SCAF4: variants seen among roughly 807,000 people sequenced by gnomAD.
SCAF4 encodes the protein SR-related and CTD-associated factor 4.
SCAF4 carries 25 observed loss-of-function variants against 129.8 expected under a neutral mutation model. The observed-to-expected ratio is 0.19, with a 90% CI of 0.14 to 0.27. The LOEUF is 0.27. Among genes scored for constraint, SCAF4 ranks in the 10% least tolerant of loss-of-function variants. The pLI, the probability that SCAF4 is intolerant of heterozygous loss-of-function variation, is 1.00. For synonymous variants in SCAF4, 551 were observed against 497.7 expected, an observed-to-expected ratio of 1.11 and a Z score of -1.43; for missense variants, 1,246 against 1,457.1, an observed-to-expected ratio of 0.86 and a Z score of 2.36.
chr21:31,694,050 C>T (rs1349258430), intron 11 of SCAF4, among the ~76,000 whole-genome samples, 154 bp downstream of exon 11: 1 of 151,730 alleles, frequency 6.6e-6, no homozygotes, highest in South Asian at 2.1e-4. Flanking sequence ...TACATCAATA[C>T]TTCACCTGCC....
chr21:31,721,725 CTTT>C (rs1030749806), intron 1 of SCAF4, among the ~76,000 whole-genome samples: 1 of 125,436 alleles, frequency 8.0e-6, no homozygotes. Context: ...AAGAGCAATT[CTTT>C]TTTTTTTTTT....
chr21:31,730,238 T>C lies in SCAF4; in HGVS notation c.30+1425A>G, dbSNP rs961671528. ...TTCTACCTTCAGAAAACAATCAGCT[T>C]CCAACCCTGAAATGTTTGGAGCATT... On this transcript the variant is annotated intron_variant, in intron 1 of 19. Transcript: ENST00000286835. 3.9e-5 allele frequency among the ~76,000 whole-genome samples: 6 copies of C among 152,338 alleles called. No individual in the cohort carries two copies. The South Asian group carries it at 6.2e-4, about 16-fold the overall frequency.
In SCAF4 at chr21:31,731,644, T is replaced by C. The variant is rs1238725265; in HGVS notation, c.30+19A>G. The stretch of plus-strand genomic sequence containing the variant: ...TCCCGCAGCAGGCCCGGCACCCCCC[T>C]GCCCCAAACACCCCTTACCTCCTGG... On this transcript the variant is annotated intron_variant, in intron 1 of 19. Coordinates refer to ENST00000286835, the MANE Select transcript of SCAF4 (RefSeq NM_020706.2). The C allele has an allele frequency of 1.3e-6, 2 of 1,588,992 alleles. No homozygotes were observed. Among genetic ancestry groups the C allele is most frequent in the Admixed American group, 1.7e-5 (1 of 58,800 alleles).
chr21:31,726,573 G>A (rs1249036065), intron 1 of SCAF4, among the ~76,000 whole-genome samples: 3 of 152,308 alleles, frequency 2.0e-5, no homozygotes, highest in African/African-American at 7.2e-5. Context: ...GCTGAGACAG[G>A]AGGATGGCTT....
chr21:31,693,262 T>TA (rs760213253), intron 12 of SCAF4, 32 bp downstream of exon 12: 19 of 1,392,594 alleles, frequency 1.4e-5, no homozygotes, highest in Non-Finnish European at 1.8e-5. Flanking sequence ...GAAAAAATAG[T>TA]ACATGAGGTT....
intron 1 of SCAF4, among the ~76,000 whole-genome samples, chr21:31,730,831 C>T (rs1393113567): frequency 1.3e-5 from 2 of 152,182 alleles, no homozygotes; most frequent in African/African-American, 2.4e-5. Flanking sequence ...CAGCTTTGTT[C>T]CCAGTTTGGA....
intron 5 of SCAF4, 25 bp from the exon 6 acceptor site, chr21:31,701,943 C>T (rs758109202): frequency 3.4e-5 from 54 of 1,601,574 alleles, no homozygotes; most frequent in Non-Finnish European, 4.3e-5. Context: ...GGCATTAAGG[C>T]CTAAAAAAAA....
At chr21:31,717,894 TACACATATATACACACACACACAC>T (rs1181625233) in intron 1 of SCAF4, among the ~76,000 whole-genome samples, 1 of 107,360 alleles carries the variant, frequency 9.3e-6, no homozygotes, top group African/African-American at 4.0e-5. Flanking sequence ...TACACATATA[TACACATATATACACACACACACAC>T]ACACACACAC....
At chr21:31,691,736 C>T (rs781650528) in intron 14 of SCAF4, 81 bp downstream of exon 14, 4 of 529,668 alleles carry the variant, frequency 7.6e-6, no homozygotes, top group African/African-American at 2.0e-5. Flanking sequence ...TTCGAAGACC[C>T]AAATTAGTTT....
chr21:31,691,694 T>G (rs941714545), intron 14 of SCAF4, 123 bp downstream of exon 14: 8 of 366,826 alleles, frequency 2.2e-5, no homozygotes, highest in Non-Finnish European at 3.8e-5. Context: ...AAAAAAAAGA[T>G]GCACATGAAA....
intron 1 of SCAF4, among the ~76,000 whole-genome samples, chr21:31,717,940 CACACACATAT>C (rs1202312314): frequency 1.7e-4 from 22 of 129,038 alleles, no homozygotes; most frequent in African/African-American, 7.3e-4. Flanking sequence ...CACACACACA[CACACACATAT>C]ATATTTTTTT....
At chr21:31,676,541 A>G (rs1448622893) in intron 19 of SCAF4, among the ~76,000 whole-genome samples, 1 of 152,030 alleles carries the variant, frequency 6.6e-6, no homozygotes, top group Admixed American at 6.6e-5. Flanking sequence ...CTCATTTCAA[A>G]TTTCTGTAAT....
intron 1 of SCAF4, among the ~76,000 whole-genome samples, chr21:31,710,461 A>C (rs1380612002): frequency 6.6e-6 from 1 of 152,174 alleles, no homozygotes; most frequent in Non-Finnish European, 1.5e-5. Context: ...AGGCATGAGA[A>C]TCTCTTGAAC....
chr21:31,723,629 T>TGTGTGCGCGC (rs1271033175), intron 1 of SCAF4, among the ~76,000 whole-genome samples: 16 of 149,072 alleles, frequency 1.1e-4, no homozygotes, highest in African/African-American at 3.4e-4. Context: ...TGTGTGTGTG[T>TGTGTGCGCGC]GCGCGCGCGC....
At chr21:31,690,122 G>A (rs569043338) in intron 15 of SCAF4, among the ~76,000 whole-genome samples, 5 of 152,140 alleles carry the variant, frequency 3.3e-5, no homozygotes, top group East Asian at 1.9e-4. Flanking sequence ...TGTCTTACAC[G>A]TTTACTTTAG....
intron 3 of SCAF4, among the ~76,000 whole-genome samples, chr21:31,704,920 A>C (rs1218947972): frequency 6.6e-6 from 1 of 152,198 alleles, no homozygotes; most frequent in East Asian, 1.9e-4. Context: ...TAGGTACTAC[A>C]TGTCACAGCT....
At position 31,708,366 on chromosome 21, in the gene SCAF4, C is replaced by A. The variant is rs572125286; in HGVS notation, c.31-2009G>T. 1.1e-3 allele frequency among the ~76,000 whole-genome samples: 164 copies of A among 149,328 alleles called. 1 individual carries two copies. The highest frequency in any genetic ancestry group is 2.0e-3 in the Non-Finnish European group (132 of 67,550). ...CTGCACGCCAGGCCAGGCGACAGAG[C>A]GAGACTCTGTCTTTAAAAAAAAAAA... On this transcript the variant is annotated intron_variant, in intron 1 of 19. Transcript: ENST00000286835.
chr21:31,711,126 A>G (rs1026205840), intron 1 of SCAF4, among the ~76,000 whole-genome samples: 1 of 152,138 alleles, frequency 6.6e-6, no homozygotes, highest in Non-Finnish European at 1.5e-5. Context: ...TTTTGGGATG[A>G]CTTTTATTCT....
At chr21:31,697,921 T>G (rs1364280919) in intron 7 of SCAF4, among the ~76,000 whole-genome samples, 1 of 152,240 alleles carries the variant, frequency 6.6e-6, no homozygotes, top group East Asian at 1.9e-4. Flanking sequence ...GGTACCTTGC[T>G]GTTTTACATA....
Sources: allele counts gnomAD v4.1 joint callset (sites outside exome capture counted in the v4.1 genomes callset), GRCh38; gene constraint gnomAD v4.1.1; transcripts MANE v1.5; gene names NCBI Gene and HGNC (gene_info 2026-07-23, HGNC 2026-07-21).